Variants in LTF observed in about 807,000 individuals in gnomAD.
LTF encodes lactotransferrin.
In LTF, 91 loss-of-function variants were observed where a neutral mutation model predicts 87.2. The ratio of observed to expected loss-of-function variants is 1.04; its 90% CI spans 0.88 to 1.24. The LOEUF (loss-of-function observed/expected upper bound fraction) is 1.24. LTF is among the 50% of genes most tolerant of loss of function. The pLI is 0.00. For synonymous variants in LTF, 378 were observed against 356.1 expected (o/e 1.06, Z -0.69); for missense variants, 901 against 904.3 (o/e 1.00, Z 0.05).
At chr3:46,455,684 C>T (rs1702910354) in intron 4 of LTF, 112 bp downstream of exon 4, 2 of 1,318,918 alleles carry the variant, frequency 1.5e-6, no homozygotes, top group East Asian at 2.4e-5. Flanking sequence ...GCCAGCCTCA[C>T]CCCCACCTTG....
chr3:46,454,357 A>G lies in LTF; in HGVS notation c.651T>C (p.Cys217=). The G allele has an allele frequency of 3.1e-6, 5 of 1,614,156 alleles. No homozygotes were observed. Among genetic ancestry groups the G allele is most frequent in the Non-Finnish European group, 3.4e-6 (4 of 1,179,976 alleles). ...PYFSYSGAFK[C]LRDGAGDVAF... is the part of the protein sequence containing the mutation. Reference sequence around the variant, plus strand: ...CCACGTCTCCAGCCCCGTCTCTCAGACACCTGTGAAAAGAGAAACCATCAG... The same window carrying G: ...CCACGTCTCCAGCCCCGTCTCTCAGGCACCTGTGAAAAGAGAAACCATCAG... Residue 217 remains cysteine, a synonymous_variant, in exon 6 of 17, where the codon TGT becomes TGC. Coordinates refer to ENST00000231751, the MANE Select transcript of LTF (RefSeq NM_002343.6).
chr3:46,465,199 G>C (rs1703185278), upstream of LTF: 7 of 411,832 alleles, frequency 1.7e-5, no homozygotes, highest in Non-Finnish European at 3.1e-5. Flanking sequence ...TCTGGTCTCA[G>C]TGCCTTCTAG....
At chr3:46,450,055 T>A in intron 7 of LTF, 27 bp from the exon 8 acceptor site, 1 of 1,542,408 alleles carries the variant, frequency 6.5e-7, no homozygotes, top group Non-Finnish European at 8.8e-7. Flanking sequence ...AGAATTATGG[T>A]GTCAATGGTA....
chr3:46,462,219 C>T (rs59283024), intron 1 of LTF, among the ~76,000 whole-genome samples: 11,323 of 152,210 alleles, frequency 0.074, 1,258 homozygotes, highest in African/African-American at 0.24. Flanking sequence ...AATGTGTAAG[C>T]GGACAGGACC....
At chr3:46,451,798 T>C (rs1702810011) in intron 6 of LTF, among the ~76,000 whole-genome samples, 1 of 152,218 alleles carries the variant, frequency 6.6e-6, no homozygotes, top group Non-Finnish European at 1.5e-5. Flanking sequence ...TTTCACCATG[T>C]TGGCCAGGCT....
intron 2 of LTF, 31 bp downstream of exon 2, chr3:46,459,625 T>C (rs777874353): frequency 7.2e-7 from 1 of 1,386,422 alleles, no homozygotes; most frequent in South Asian, 1.9e-5. Flanking sequence ...CCATTCAGCT[T>C]GGTCCCAACC....
At chr3:46,449,039 G>T in intron 8 of LTF, 22 bp from the exon 9 acceptor site, 1 of 1,591,424 alleles carries the variant, frequency 6.3e-7, no homozygotes, top group Non-Finnish European at 8.5e-7. Flanking sequence ...AAGACCGCAG[G>T]TGGCTGGGCA....
chr3:46,482,669 AAGGAAGG>A (rs1703460158), intron 1 of LTF, among the ~76,000 whole-genome samples: 1 of 105,696 alleles, frequency 9.5e-6, no homozygotes, highest in Non-Finnish European at 2.0e-5. Context: ...AGAAGGAAGG[AAGGAAGG>A]AAGGAAGGAA....
At chr3:46,469,761 G>A (rs572273055), upstream of LTF, among the ~76,000 whole-genome samples, 7 of 152,304 alleles carry the variant, frequency 4.6e-5, no homozygotes, top group Non-Finnish European at 8.8e-5. Flanking sequence ...ACAGCCAAAG[G>A]CCCTAAGAGT....
intron 13 of LTF, among the ~76,000 whole-genome samples, chr3:46,442,631 AT>A (rs1005110914): frequency 4.0e-5 from 6 of 151,282 alleles, no homozygotes; most frequent in Non-Finnish European, 7.4e-5. Context: ...TTCACAAAAC[AT>A]TTTTTTTTGT....
intron 1 of LTF, among the ~76,000 whole-genome samples, chr3:46,476,545 T>C (rs1209701248): frequency 5.3e-5 from 8 of 152,244 alleles, no homozygotes; most frequent in Admixed American, 5.2e-4. Context: ...ACACTTTTTA[T>C]TAAAGTGTAG....
chr3:46,451,738 G>A (rs1702808602), intron 6 of LTF, among the ~76,000 whole-genome samples: 2 of 152,124 alleles, frequency 1.3e-5, no homozygotes, highest in South Asian at 4.1e-4. Context: ...GGGACCACAA[G>A]CGCACGCCAC....
chr3:46,485,193 A>C (rs1433840956), exon 1 of LTF: 1 of 152,392 alleles, frequency 6.6e-6, no homozygotes, highest in Non-Finnish European at 1.5e-5. Flanking sequence ...TGTTCCCCTC[A>C]GTGCCCGCTG....
chr3:46,449,357 T>G (rs973181636), intron 8 of LTF, among the ~76,000 whole-genome samples: 4 of 152,156 alleles, frequency 2.6e-5, no homozygotes, highest in Non-Finnish European at 5.9e-5. Flanking sequence ...AGAGATGGCC[T>G]AGGGGACCTT....
At chr3:46,460,788 G>T (rs1299215155) in intron 1 of LTF, among the ~76,000 whole-genome samples, 1 of 149,022 alleles carries the variant, frequency 6.7e-6, no homozygotes, top group Non-Finnish European at 1.5e-5. Flanking sequence ...TTTACTTTCA[G>T]ATAACATGAT....
At chr3:46,445,252 C>A in intron 12 of LTF, 29 bp downstream of exon 12, 1 of 1,584,212 alleles carries the variant, frequency 6.3e-7, no homozygotes, top group South Asian at 1.1e-5. Context: ...CCAGGGTGGC[C>A]CACCCACCGC....
In LTF at chr3:46,436,047, TA is replaced by T; in HGVS notation, c.*147del. On this transcript the variant is annotated 3_prime_UTR_variant, in exon 17 of 17. Transcript: ENST00000231751. ...CAAAATTTCTCATTTTACTTCTTGCTAAGACGACAGCAGGGAATTGTAAGCA... is the reference window on the plus strand; with the variant it reads ...CAAAATTTCTCATTTTACTTCTTGCTAGACGACAGCAGGGAATTGTAAGCA... The T allele has an allele frequency of 1.4e-6, 1 of 723,542 alleles. No homozygotes were observed. The highest frequency in any genetic ancestry group is 2.4e-6 in the Non-Finnish European group (1 of 412,422). 44.8% of individuals were successfully genotyped at this position (723,542 alleles called of 1,614,324 possible).
At position 46,459,688 on chromosome 3, in the gene LTF, C is replaced by G; in HGVS notation, c.175G>C (p.Asp59His). ...GCCTGGATACACTGGATGGGGGAGT[C>G]TCTCTTTATGCAGCTGACAGGAGGG... ...RGPPVSCIKRDSPIQCIQAIA... is the reference protein window; with the variant it reads ...RGPPVSCIKRHSPIQCIQAIA... The change falls in exon 2 of 17, where the codon GAC becomes CAC. Residue 59 changes from aspartate (D) to histidine (H), a missense_variant. Transcript: ENST00000231751. 1 of 1,557,580 alleles carries G rather than the reference C, an allele frequency of 6.4e-7. No individual in the cohort carries two copies. Among genetic ancestry groups the G allele is most frequent in the Non-Finnish European group, 8.7e-7 (1 of 1,155,502 alleles).
chr3:46,456,121 C>G lies in LTF; in HGVS notation c.317-143G>C, dbSNP rs1702923396. ...TCACGTGTGTCCTCCTCTCGTGGGT[C>G]AGCGTCAGGAGGAACGGCCTTCATC... is the stretch of plus-strand genomic sequence containing the variant. On this transcript the variant is annotated intron_variant, in intron 3 of 16. Coordinates refer to ENST00000231751, the MANE Select transcript of LTF (RefSeq NM_002343.6). 4 of 957,264 alleles carry G rather than the reference C, an allele frequency of 4.2e-6. No homozygotes were observed. In the South Asian group the frequency reaches 6.8e-5, roughly 16 times the overall value. The allele number at this position is 957,264 out of a possible 1,614,324, so 59.3% of individuals were successfully genotyped here.
Sources: gnomAD v4.1 joint callset for allele counts (sites outside exome capture counted in the v4.1 genomes callset) on GRCh38, gnomAD v4.1.1 for gene constraint, MANE v1.5 for transcripts, NCBI Gene and HGNC (gene_info 2026-07-23, HGNC 2026-07-21) for gene names.